The following ABCB10 variants were observed in gnomAD, a reference collection of about 807,000 sequenced individuals.
ABCB10 encodes the protein ATP binding cassette subfamily B member 10.
Under a neutral mutation model 65.4 loss-of-function variants are expected in ABCB10, and 54 were observed. The observed-to-expected ratio is 0.83, with a 90% CI of 0.66 to 1.04. The LOEUF is 1.04. Among genes scored for constraint, ABCB10 ranks in the 50% least tolerant of loss-of-function variants. ABCB10 has a pLI of 0.00. For missense variants in ABCB10, 846 were observed against 976.6 expected, an observed-to-expected ratio of 0.87 and a Z score of 1.78; for synonymous variants, 418 against 406.5, an observed-to-expected ratio of 1.03 and a Z score of -0.34.
Position 229,526,052 on chromosome 1 carries a change from G to A in ABCB10, c.1790C>T (p.Ser597Phe). 6.2e-7 allele frequency: 1 copy of A among 1,614,240 alleles called. No homozygotes were observed. The highest frequency in any genetic ancestry group is 8.5e-7 in the Non-Finnish European group (1 of 1,180,050). ...TCTCTGGATTTCCTCAGCGGTCACA[G>A]AGGAAGGGTCATCAGCACCATAAGC... ...NIAYGADDPS[S>F]VTAEEIQRVA... Residue 597 changes from serine to phenylalanine, a missense_variant, in exon 10 of 13, where the codon TCT becomes TTT. Ser to Phe is a radical substitution (Grantham distance 155). Coordinates refer to ENST00000344517, the MANE Select transcript of ABCB10 (RefSeq NM_012089.3).
chr1:229,558,084 C>A, intron 1 of ABCB10, 52 bp downstream of exon 1: 1 of 1,298,452 alleles, frequency 7.7e-7, no homozygotes, highest in Non-Finnish European at 9.8e-7. Flanking sequence ...CGGGACCCCG[C>A]GTGTGGAGAA....
In ABCB10 at chr1:229,550,525, CAA is replaced by C. The variant is rs60323914; in HGVS notation, c.518-1093_518-1092del. 8.4e-3 allele frequency among the ~76,000 whole-genome samples: 532 copies of C among 63,496 alleles called. 5 individuals are homozygous for C. Among genetic ancestry groups the C allele is most frequent in the African/African-American group, 0.035 (466 of 13,426 alleles). The allele number at this position is 63,496 out of a possible 152,430, so 41.7% of individuals were successfully genotyped here. ...GGGTGACACAGCAATATGCTGTCTC[CAA>C]AAAAAAAAAAAAAAAAAAAAATTTT... On this transcript the variant is annotated intron_variant, in intron 1 of 12. Transcript: ENST00000344517.
At chr1:229,540,957 A>G (rs1388117640) in intron 4 of ABCB10, among the ~76,000 whole-genome samples, 3 of 152,260 alleles carry the variant, frequency 2.0e-5, no homozygotes, top group Non-Finnish European at 4.4e-5. Context: ...AAAGAGTGAC[A>G]AAGCAGAGTA....
intron 6 of ABCB10, chr1:229,531,945 TAG>T: frequency 6.0e-6 from 2 of 334,066 alleles, no homozygotes; most frequent in Middle Eastern, 9.1e-4. Flanking sequence ...TCCAGTTTCA[TAG>T]TTTTTTTTTT....
At chr1:229,557,238 C>T (rs2102714791) in intron 1 of ABCB10, among the ~76,000 whole-genome samples, 1 of 77,438 alleles carries the variant, frequency 1.3e-5, no homozygotes. Flanking sequence ...TCACAGGCCC[C>T]ACAGGCCCCC....
intron 1 of ABCB10, among the ~76,000 whole-genome samples, chr1:229,554,379 A>AT (rs1571981097): frequency 1.3e-5 from 2 of 152,164 alleles, no homozygotes; most frequent in African/African-American, 4.8e-5. Context: ...TGCTATTAGC[A>AT]TGCTCTAGAG....
rs187206179 is a variant in ABCB10, at chr1:229,521,079, T to A, written c.1950+513A>T. On this transcript the variant is annotated intron_variant, in intron 11 of 12. Coordinates refer to ENST00000344517, the MANE Select transcript of ABCB10 (RefSeq NM_012089.3). ...CTTCAGTAAAGCTGCTTTTTTTTTT[T>A]AATCACCTATAAGCCTGAGAAGAAC... is the stretch of plus-strand genomic sequence containing the variant. 9.1e-3 allele frequency among the ~76,000 whole-genome samples: 1,384 copies of A among 152,162 alleles called. 23 individuals carry two copies. Among genetic ancestry groups the A allele is most frequent in the African/African-American group, 0.032 (1,307 of 41,484 alleles).
chr1:229,531,760 A>C, intron 6 of ABCB10, 29 bp from the exon 7 acceptor site: 1 of 1,587,006 alleles, frequency 6.3e-7, no homozygotes, highest in Non-Finnish European at 8.6e-7. Context: ...ATCCACACAC[A>C]TGTCCATCAC....
At chr1:229,546,188 A>AAG (rs1224555057) in intron 3 of ABCB10, among the ~76,000 whole-genome samples, 1 of 151,678 alleles carries the variant, frequency 6.6e-6, no homozygotes, top group African/African-American at 2.4e-5. Flanking sequence ...AAAAAAAAAA[A>AAG]GCTTTTATGA....
intron 6 of ABCB10, among the ~76,000 whole-genome samples, chr1:229,537,466 C>T (rs1662745638): frequency 6.6e-6 from 1 of 152,154 alleles, no homozygotes; most frequent in Non-Finnish European, 1.5e-5. Context: ...GACAGCGATT[C>T]TATAAAAGTA....
chr1:229,550,895 A>G (rs984427954), intron 1 of ABCB10, among the ~76,000 whole-genome samples: 2 of 152,116 alleles, frequency 1.3e-5, no homozygotes, highest in African/African-American at 4.8e-5. Flanking sequence ...AGAAAATCCA[A>G]TTAGTAACAA....
At chr1:229,527,725 G>A (rs2102686739) in intron 8 of ABCB10, among the ~76,000 whole-genome samples, 1 of 152,326 alleles carries the variant, frequency 6.6e-6, no homozygotes, top group Non-Finnish European at 1.5e-5. Flanking sequence ...GCACAGCTCT[G>A]AAGCTGGCAT....
chr1:229,537,567 G>C (rs1662747627), intron 6 of ABCB10, among the ~76,000 whole-genome samples: 1 of 152,070 alleles, frequency 6.6e-6, no homozygotes, highest in Non-Finnish European at 1.5e-5. Flanking sequence ...CGGGCGGATT[G>C]CCTGAGCTCA....
rs1403737783 is a variant in ABCB10 at position 229,539,470 on chromosome 1, C to G, written c.1325G>C (p.Gly442Ala). 5 of 1,613,816 alleles carry G rather than the reference C, an allele frequency of 3.1e-6. No homozygotes were observed. Among genetic ancestry groups the G allele is most frequent in the Admixed American group, 1.7e-5 (1 of 59,996 alleles). ...AAATTATTTACCTCCAATGCTTATT[C>G]CAACCCAGAAAGCATACATTAGGAA... ...SSFLMYAFWV[G>A]ISIGGLSSFY... The change falls in exon 6 of 13, where the codon GGA (glycine) becomes GCA (alanine). Residue 442 changes from glycine (G) to alanine (A), a missense_variant. By Grantham distance (60) the Gly-to-Ala change is moderately conservative (BLOSUM62 0). Coordinates refer to ENST00000344517, the MANE Select transcript of ABCB10 (RefSeq NM_012089.3).
Position 229,518,231 on chromosome 1 carries a change from G to T in ABCB10, c.2165C>A (p.Pro722Gln). ...YGKHEELLSKPNGIYRKLMNK... is the reference protein window; with the variant it reads ...YGKHEELLSKQNGIYRKLMNK... ...CATTAGTTTTCTGTATATCCCATTTGGTTTTGAAAGCAGCTCTTCATGTTT... is the reference window on the plus strand; with the variant it reads ...CATTAGTTTTCTGTATATCCCATTTTGTTTTGAAAGCAGCTCTTCATGTTT... The change falls in exon 13 of 13, where the codon CCA (proline) becomes CAA (glutamine). Residue 722 changes from proline (P) to glutamine (Q), a missense_variant. Coordinates refer to ENST00000344517, the MANE Select transcript of ABCB10 (RefSeq NM_012089.3). 2 of 1,613,930 alleles carry T rather than the reference G, an allele frequency of 1.2e-6. No homozygotes were observed. The highest frequency in any genetic ancestry group is 1.7e-6 in the Non-Finnish European group (2 of 1,179,980).
intron 10 of ABCB10, among the ~76,000 whole-genome samples, chr1:229,524,239 C>T (rs576206893): frequency 3.9e-5 from 6 of 152,066 alleles, no homozygotes; most frequent in African/African-American, 1.2e-4. Context: ...CAGCTCACTG[C>T]AACCTCTGCC....
At position 229,529,150 on chromosome 1, in the gene ABCB10, G is replaced by A. The variant is rs578034281; in HGVS notation, c.1645+1049C>T. Among the ~76,000 whole-genome samples the A allele has an allele frequency of 4.6e-4, 69 of 150,044 alleles. 1 individual carries two copies. The South Asian group carries it at 5.3e-3, about 12-fold the overall frequency. ...ACTAAAAATACAAAAAAAATTAGCC[G>A]GGCATGGTGGCAGGCGCCTGTGGTC... On this transcript the variant is annotated intron_variant, in intron 8 of 12. Coordinates refer to ENST00000344517, the MANE Select transcript of ABCB10 (RefSeq NM_012089.3).
At chr1:229,541,916 A>C (rs756058801) in intron 4 of ABCB10, among the ~76,000 whole-genome samples, 4 of 150,228 alleles carry the variant, frequency 2.7e-5, no homozygotes, top group Non-Finnish European at 5.9e-5. Context: ...TCCAGCCTAG[A>C]GTGCATGAAA....
In ABCB10 at chr1:229,558,359, G is replaced by A. The variant is rs1322044607; in HGVS notation, c.294C>T (p.Gly98=). The change falls in exon 1 of 13, where the codon GGC becomes GGT. Residue 98 remains glycine, a synonymous_variant. Transcript: ENST00000344517. ...CGGCAAAAGCCCCGCACCTGCAGCT[G>A]CCGGGGCCGCGAGCCCACAGCCCCA... ...RLLGLWARGP[G]SCRCGAFAGP... 7 of 1,251,886 alleles carry A rather than the reference G, an allele frequency of 5.6e-6. No homozygotes were observed. The highest frequency in any genetic ancestry group is 4.5e-5 in the East Asian group (1 of 22,454). The allele number at this position is 1,251,886 out of a possible 1,614,324, so 77.5% of individuals were successfully genotyped here. A position where few individuals can be genotyped will look rare whatever the true frequency, so the allele number is the denominator to read the frequency against.
Sources: gnomAD v4.1 joint callset for allele counts (sites outside exome capture counted in the v4.1 genomes callset) on GRCh38, gnomAD v4.1.1 for gene constraint, MANE v1.5 for transcripts, NCBI Gene and HGNC (gene_info 2026-07-23, HGNC 2026-07-21) for gene names.